Variants in ALCAM observed in about 807,000 individuals in gnomAD.
ALCAM encodes the protein CD166 antigen.
A neutral mutation model predicts 70.9 loss-of-function variants in ALCAM; 30 were observed. That is an observed-to-expected ratio of 0.42 (90% CI 0.32 to 0.57). The LOEUF (loss-of-function observed/expected upper bound fraction) is 0.57, where lower values mean the gene tolerates loss of function less well. Among genes scored for constraint, ALCAM ranks in the 20% least tolerant of loss-of-function variants. The pLI is 0.11. For missense variants in ALCAM, 591 were observed against 695.1 expected (o/e 0.85, Z 1.68); for synonymous variants, 249 against 242.5 (o/e 1.03, Z -0.25).
intron 1 of ALCAM, among the ~76,000 whole-genome samples, chr3:105,487,245 C>T (rs1938456956): frequency 6.6e-6 from 1 of 152,072 alleles, no homozygotes; most frequent in African/African-American, 2.4e-5. Flanking sequence ...ACATCCATCT[C>T]CCAGATCCTT....
At chr3:105,466,809 A>AT (rs561878918) in intron 1 of ALCAM, among the ~76,000 whole-genome samples, 60 of 150,814 alleles carry the variant, frequency 4.0e-4, no homozygotes, top group Non-Finnish European at 5.3e-4. Flanking sequence ...TGGATGTTGG[A>AT]TTTTTTTTTC....
At chr3:105,429,693 T>C (rs1455464860) in intron 1 of ALCAM, among the ~76,000 whole-genome samples, 1 of 151,994 alleles carries the variant, frequency 6.6e-6, no homozygotes, top group Non-Finnish European at 1.5e-5. Context: ...CAATTGATTA[T>C]GTAACTTGCA....
intron 1 of ALCAM, among the ~76,000 whole-genome samples, chr3:105,368,733 G>T (rs536611382): frequency 1.3e-5 from 2 of 152,118 alleles, no homozygotes; most frequent in African/African-American, 4.8e-5. Context: ...AAGTGTTTGC[G>T]AGCTGCTGCT....
intron 1 of ALCAM, among the ~76,000 whole-genome samples, chr3:105,393,361 T>G (rs1404226661): frequency 6.6e-6 from 1 of 151,750 alleles, no homozygotes; most frequent in Non-Finnish European, 1.5e-5. Context: ...TATTCTTCAG[T>G]AGAAATAAAT....
At chr3:105,407,645 C>T (rs968925180) in intron 1 of ALCAM, among the ~76,000 whole-genome samples, 1 of 152,088 alleles carries the variant, frequency 6.6e-6, no homozygotes, top group Admixed American at 6.6e-5. Flanking sequence ...AAGCATTCCC[C>T]CAGATAACTG....
intron 3 of ALCAM, among the ~76,000 whole-genome samples, chr3:105,531,532 T>C (rs1055868853): frequency 3.1e-4 from 47 of 152,132 alleles, no homozygotes; most frequent in Non-Finnish European, 4.4e-5. Flanking sequence ...GATTTTTTTT[T>C]TTCAGGAATT....
intron 1 of ALCAM, among the ~76,000 whole-genome samples, chr3:105,386,237 A>G (rs900322187): frequency 4.0e-5 from 6 of 151,692 alleles, no homozygotes; most frequent in African/African-American, 9.7e-5. Flanking sequence ...GGAAGAAGAA[A>G]TTAATATTAG....
intron 3 of ALCAM, chr3:105,525,532 C>A: frequency 4.7e-6 from 1 of 212,622 alleles, no homozygotes; most frequent in Non-Finnish European, 8.1e-6. Context: ...CCTCTGCTTT[C>A]TGATAACTTG....
chr3:105,515,919 A>AT (rs964170024), intron 1 of ALCAM, among the ~76,000 whole-genome samples: 3 of 152,056 alleles, frequency 2.0e-5, no homozygotes, highest in African/African-American at 7.2e-5. Flanking sequence ...ATTTGTTCAA[A>AT]TAAGTCTCTG....
At position 105,576,234 on chromosome 3, in the gene ALCAM, CAA is replaced by C. The variant is rs1940961798; in HGVS notation, c.*1785_*1786del. ...TAAACCAAAGTAAAAGGGGAAAAAC[CAA>C]AGTTATTTGTTTTGCATGGCTAAGC... On this transcript the variant is annotated 3_prime_UTR_variant, in exon 16 of 16. Transcript: ENST00000306107. 6.6e-6 allele frequency: 1 copy of C among 152,346 alleles called. No homozygotes were observed. The highest frequency in any genetic ancestry group is 1.5e-5 in the Non-Finnish European group (1 of 67,950). 9.4% of individuals were successfully genotyped at this position (152,346 alleles called of 1,614,324 possible).
At chr3:105,432,105 A>G (rs1360488118) in intron 1 of ALCAM, among the ~76,000 whole-genome samples, 1 of 152,210 alleles carries the variant, frequency 6.6e-6, no homozygotes, top group Non-Finnish European at 1.5e-5. Context: ...CTTAGAGAAT[A>G]TTCAGTAAAG....
chr3:105,479,795 T>G (rs762148077), intron 1 of ALCAM, among the ~76,000 whole-genome samples: 1 of 152,134 alleles, frequency 6.6e-6, no homozygotes, highest in Non-Finnish European at 1.5e-5. Context: ...AAATAGCCAT[T>G]CCCTATGAAC....
intron 3 of ALCAM, among the ~76,000 whole-genome samples, chr3:105,530,764 T>G (rs1366156622): frequency 6.6e-6 from 1 of 152,036 alleles, no homozygotes; most frequent in Non-Finnish European, 1.5e-5. Context: ...GTAAAGCATA[T>G]TTATGAGGGG....
intron 1 of ALCAM, among the ~76,000 whole-genome samples, chr3:105,516,722 C>G (rs1939391558): frequency 6.6e-6 from 1 of 152,056 alleles, no homozygotes; most frequent in Non-Finnish European, 1.5e-5. Context: ...ACAGAAGGTT[C>G]TAGTCCAATT....
intron 1 of ALCAM, among the ~76,000 whole-genome samples, chr3:105,428,083 A>T (rs2107430951): frequency 6.6e-6 from 1 of 152,132 alleles, no homozygotes; most frequent in South Asian, 2.1e-4. Flanking sequence ...TAAATATTTG[A>T]ATCTCTGCAA....
At chr3:105,560,037 G>A (rs1465443960) in intron 14 of ALCAM, among the ~76,000 whole-genome samples, 1 of 152,066 alleles carries the variant, frequency 6.6e-6, no homozygotes, top group East Asian at 1.9e-4. Context: ...TATACAAGTG[G>A]TTTTTGCAGA....
intron 1 of ALCAM, among the ~76,000 whole-genome samples, chr3:105,430,686 A>G (rs1051966477): frequency 6.6e-6 from 1 of 152,008 alleles, no homozygotes; most frequent in Admixed American, 6.6e-5. Context: ...CTTTAGAAGG[A>G]AGTCACTATG....
intron 1 of ALCAM, among the ~76,000 whole-genome samples, chr3:105,427,104 C>T (rs1412004734): frequency 6.6e-6 from 1 of 151,774 alleles, no homozygotes; most frequent in Non-Finnish European, 1.5e-5. Context: ...TTACCCTTTT[C>T]AAAGAAGTAT....
At chr3:105,506,607 T>C (rs1939085569) in intron 1 of ALCAM, among the ~76,000 whole-genome samples, 1 of 152,224 alleles carries the variant, frequency 6.6e-6, no homozygotes, top group African/African-American at 2.4e-5. Context: ...GTGAACTTTT[T>C]TTTAAACCCA....
Sources: gnomAD v4.1 joint callset for allele counts (sites outside exome capture counted in the v4.1 genomes callset) on GRCh38, gnomAD v4.1.1 for gene constraint, MANE v1.5 for transcripts, NCBI Gene and HGNC (gene_info 2026-07-23, HGNC 2026-07-21) for gene names.